CSMD1: variants seen among roughly 807,000 people sequenced by gnomAD.
CSMD1 encodes CUB and Sushi multiple domains 1, also known as CUB and sushi domain-containing protein 1.
In CSMD1, 213 loss-of-function variants were observed where a neutral mutation model predicts 417.5. The observed-to-expected ratio is 0.51, with a 90% CI of 0.46 to 0.57. The LOEUF (loss-of-function observed/expected upper bound fraction) is 0.57. Among genes scored for constraint, CSMD1 ranks in the 20% least tolerant of loss-of-function variants. The pLI is 0.00. For missense variants in CSMD1, 6,923 were observed against 4,529.7 expected (o/e 1.53, Z -15.17); for synonymous variants, 2,862 against 1,736.8 (o/e 1.65, Z -16.11).
intron 41 of CSMD1, chr8:3,128,811 T>C (rs1178493973): frequency 2.3e-6 from 1 of 434,640 alleles, no homozygotes; most frequent in Non-Finnish European, 4.5e-6. Flanking sequence ...TTGTTTTTTT[T>C]TTAATTGAAA....
chr8:3,325,292 C>T (rs1453625770), intron 23 of CSMD1, among the ~76,000 whole-genome samples: 1 of 152,150 alleles, frequency 6.6e-6, no homozygotes, highest in African/African-American at 2.4e-5. Flanking sequence ...CTTTTTATTA[C>T]CCCTAGAGAA....
At chr8:4,310,804 G>T (rs534894392) in intron 3 of CSMD1, among the ~76,000 whole-genome samples, 1 of 152,262 alleles carries the variant, frequency 6.6e-6, no homozygotes, top group East Asian at 1.9e-4. Flanking sequence ...ATTCACATTA[G>T]ATCTCACCTT....
At chr8:3,836,322 G>A (rs1178600545) in intron 5 of CSMD1, among the ~76,000 whole-genome samples, 2 of 152,020 alleles carry the variant, frequency 1.3e-5, no homozygotes, top group African/African-American at 2.4e-5. Context: ...GCCAGTTTTG[G>A]GTTTACTTGA....
At chr8:2,945,580 A>G (rs969124216) in intron 68 of CSMD1, among the ~76,000 whole-genome samples, 4 of 152,204 alleles carry the variant, frequency 2.6e-5, no homozygotes, top group African/African-American at 9.6e-5. Flanking sequence ...GTGTTGCTAC[A>G]TCCTACCTAA....
At chr8:4,848,766 A>G (rs2116819477) in intron 1 of CSMD1, among the ~76,000 whole-genome samples, 1 of 152,256 alleles carries the variant, frequency 6.6e-6, no homozygotes, top group East Asian at 1.9e-4. Flanking sequence ...CTAGTCTCAG[A>G]CTGCTGACCT....
At chr8:4,434,462 G>A (rs1377657825) in intron 2 of CSMD1, among the ~76,000 whole-genome samples, 2 of 152,052 alleles carry the variant, frequency 1.3e-5, no homozygotes, top group Admixed American at 6.6e-5. Flanking sequence ...ATCCTATGAA[G>A]TCCCCACACT....
At chr8:4,057,027 T>C (rs1798731527) in intron 3 of CSMD1, among the ~76,000 whole-genome samples, 1 of 152,202 alleles carries the variant, frequency 6.6e-6, no homozygotes, top group South Asian at 2.1e-4. Context: ...GCAGCATGAT[T>C]TATAGTCCTT....
At chr8:3,190,371 C>G (rs537328999) in intron 33 of CSMD1, among the ~76,000 whole-genome samples, 2 of 152,120 alleles carry the variant, frequency 1.3e-5, no homozygotes, top group African/African-American at 4.8e-5. Flanking sequence ...TGTACTTCGC[C>G]CTCAGGACCA....
chr8:4,071,816 C>T (rs1799572990), intron 3 of CSMD1, among the ~76,000 whole-genome samples: 1 of 152,048 alleles, frequency 6.6e-6, no homozygotes, highest in Non-Finnish European at 1.5e-5. Flanking sequence ...CAAATGAAAA[C>T]TTCCTGTTGT....
intron 5 of CSMD1, among the ~76,000 whole-genome samples, chr8:3,811,552 C>G (rs955814387): frequency 6.6e-6 from 1 of 152,116 alleles, no homozygotes; most frequent in Non-Finnish European, 1.5e-5. Flanking sequence ...CTTTTCTCTG[C>G]ACGCCTGACC....
At chr8:3,502,695 T>C (rs551847126) in intron 10 of CSMD1, among the ~76,000 whole-genome samples, 1 of 152,204 alleles carries the variant, frequency 6.6e-6, no homozygotes, top group Admixed American at 6.5e-5. Context: ...TTAGTGATTG[T>C]TAGGGGTTAG....
intron 2 of CSMD1, among the ~76,000 whole-genome samples, chr8:4,612,959 G>A (rs1367201389): frequency 6.6e-6 from 1 of 152,128 alleles, no homozygotes; most frequent in Non-Finnish European, 1.5e-5. Context: ...GTGACACAGG[G>A]ACTAGAGATA....
At chr8:4,631,081 G>C (rs1802481347) in intron 2 of CSMD1, among the ~76,000 whole-genome samples, 1 of 152,166 alleles carries the variant, frequency 6.6e-6, no homozygotes, top group Non-Finnish European at 1.5e-5. Flanking sequence ...ATAAAATGAA[G>C]GCCAGGTGCG....
At chr8:4,073,140 A>G (rs1799645406) in intron 3 of CSMD1, among the ~76,000 whole-genome samples, 1 of 152,156 alleles carries the variant, frequency 6.6e-6, no homozygotes, top group South Asian at 2.1e-4. Context: ...CAGAACATGA[A>G]AACTTTTGTG....
intron 37 of CSMD1, among the ~76,000 whole-genome samples, chr8:3,165,456 G>C (rs1345677055): frequency 6.6e-6 from 1 of 151,614 alleles, no homozygotes; most frequent in African/African-American, 2.4e-5. Context: ...TTTTGAGACA[G>C]AGTCTCACTC....
chr8:4,116,087 C>T (rs945240892), intron 3 of CSMD1, among the ~76,000 whole-genome samples: 2 of 151,840 alleles, frequency 1.3e-5, no homozygotes, highest in Admixed American at 1.3e-4. Context: ...CAACCTCCGC[C>T]TCCTGGGTTC....
At chr8:3,982,611 G>A (rs926873038) in intron 5 of CSMD1, among the ~76,000 whole-genome samples, 4 of 120,072 alleles carry the variant, frequency 3.3e-5, no homozygotes, top group African/African-American at 1.2e-4. Flanking sequence ...AAGTACTGCT[G>A]AGAGAGAAAA....
At chr8:4,454,280 G>C (rs192161140) in intron 2 of CSMD1, among the ~76,000 whole-genome samples, 1 of 152,272 alleles carries the variant, frequency 6.6e-6, no homozygotes, top group Admixed American at 6.5e-5. Flanking sequence ...CTGGACTCCT[G>C]ACTTCGGTGG....
intron 3 of CSMD1, among the ~76,000 whole-genome samples, chr8:4,327,120 A>G (rs1221236605): frequency 2.6e-5 from 4 of 152,202 alleles, no homozygotes; most frequent in Admixed American, 6.5e-5. Flanking sequence ...TCCAGCTGTA[A>G]TATCTGTTAT....
Sources: gnomAD v4.1 joint callset for allele counts (sites outside exome capture counted in the v4.1 genomes callset) on GRCh38, gnomAD v4.1.1 for gene constraint, MANE v1.5 for transcripts, NCBI Gene and HGNC (gene_info 2026-07-23, HGNC 2026-07-21) for gene names.